NALF1: variants seen among roughly 807,000 people sequenced by gnomAD.
The protein encoded by NALF1 is NALCN channel auxiliary factor 1.
A neutral mutation model predicts 48.4 loss-of-function variants in NALF1; 3 were observed. The ratio of observed to expected loss-of-function variants is 0.06; its 90% CI spans 0.03 to 0.16. NALF1 has a LOEUF of 0.16. NALF1 is among the 10% of genes least tolerant of loss of function. The probability of loss-of-function intolerance (pLI) is 1.00; values close to 1 mark genes in which losing one functional copy is unlikely to be tolerated. For synonymous variants in NALF1, 262 were observed against 245.7 expected (o/e 1.07, Z -0.62); for missense variants, 526 against 571.5 (o/e 0.92, Z 0.81).
intron 1 of NALF1, among the ~76,000 whole-genome samples, chr13:107,685,089 C>A (rs1476387667): frequency 6.6e-6 from 1 of 152,086 alleles, no homozygotes; most frequent in Non-Finnish European, 1.5e-5. Flanking sequence ...CCAAGGCAGG[C>A]GGATCAGGAG....
intron 1 of NALF1, among the ~76,000 whole-genome samples, chr13:107,463,946 G>A (rs530042035): frequency 3.3e-5 from 5 of 152,086 alleles, no homozygotes; most frequent in Non-Finnish European, 7.4e-5. Context: ...TAACCAAATC[G>A]TTTCAATAAT....
rs574989388 is a variant in NALF1, at chr13:107,307,317, TGA to T, written c.916-96564_916-96563del. Among the ~76,000 whole-genome samples, 186 of 152,230 alleles carry T rather than the reference TGA, an allele frequency of 1.2e-3. 2 individuals are homozygous for T. In the Middle Eastern group the frequency reaches 0.02, roughly 17 times the overall value. On this transcript the variant is annotated intron_variant, in intron 1 of 2. Coordinates refer to ENST00000375915, the MANE Select transcript of NALF1 (RefSeq NM_001080396.3). ...GATGTCTATTACTTGAGACAAGAGATGAGAGAACAGAGGGAAAGAGGAAAGTT... is the reference window on the plus strand; with the variant it reads ...GATGTCTATTACTTGAGACAAGAGATGAGAACAGAGGGAAAGAGGAAAGTT...
chr13:107,311,267 T>C (rs1206414536), intron 1 of NALF1, among the ~76,000 whole-genome samples: 4 of 152,162 alleles, frequency 2.6e-5, no homozygotes, highest in Non-Finnish European at 5.9e-5. Flanking sequence ...CATCCCAGTA[T>C]GCTTCTTTTA....
chr13:107,353,846 T>G (rs1052882556), intron 1 of NALF1, among the ~76,000 whole-genome samples: 5 of 152,190 alleles, frequency 3.3e-5, no homozygotes, highest in African/African-American at 1.2e-4. Flanking sequence ...AATAATCCAT[T>G]AATTCATTAG....
intron 1 of NALF1, among the ~76,000 whole-genome samples, chr13:107,612,312 C>G (rs974305175): frequency 1.3e-5 from 2 of 152,094 alleles, no homozygotes; most frequent in Non-Finnish European, 2.9e-5. Context: ...GAAGCTTCAG[C>G]CACGCAAGAC....
rs192595088 is a variant in NALF1 at position 107,724,195 on chromosome 13, C to T, written c.915+141487G>A. Among the ~76,000 whole-genome samples the T allele has an allele frequency of 5.3e-3, 810 of 152,096 alleles. 3 individuals are homozygous for T. The highest frequency in any genetic ancestry group is 0.018 in the African/African-American group (754 of 41,496). On this transcript the variant is annotated intron_variant, in intron 1 of 2. Coordinates refer to ENST00000375915, the MANE Select transcript of NALF1 (RefSeq NM_001080396.3). ...TTTCCAAACACTTCTGCATCAGTTG[C>T]TTTTCCCTTTTAAGATCTGCTTTTG...
chr13:107,518,160 A>C (rs1876123170), intron 1 of NALF1, among the ~76,000 whole-genome samples: 3 of 152,226 alleles, frequency 2.0e-5, no homozygotes, highest in Admixed American at 6.5e-5. Flanking sequence ...TTTTCCTGTG[A>C]AAATAAGTTA....
chr13:107,295,808 T>G (rs992732125), intron 1 of NALF1, among the ~76,000 whole-genome samples: 1 of 152,182 alleles, frequency 6.6e-6, no homozygotes, highest in Non-Finnish European at 1.5e-5. Flanking sequence ...GGGCATAAAA[T>G]TCATGCTCAT....
intron 1 of NALF1, among the ~76,000 whole-genome samples, chr13:107,576,161 C>A (rs1878141387): frequency 6.6e-6 from 1 of 152,112 alleles, no homozygotes; most frequent in Non-Finnish European, 1.5e-5. Flanking sequence ...ATGCGCTCTA[C>A]CATAGTCTTT....
chr13:107,773,571 A>G (rs567747221), intron 1 of NALF1, among the ~76,000 whole-genome samples: 21 of 152,094 alleles, frequency 1.4e-4, no homozygotes, highest in African/African-American at 4.6e-4. Context: ...TTATTCTACA[A>G]AGATCTCTTA....
intron 1 of NALF1, among the ~76,000 whole-genome samples, chr13:107,832,543 C>T (rs1879769571): frequency 6.6e-6 from 1 of 152,116 alleles, no homozygotes; most frequent in South Asian, 2.1e-4. Flanking sequence ...CACACCATCA[C>T]CCTTCAAAAA....
chr13:107,359,134 T>C (rs1481005156), intron 1 of NALF1, among the ~76,000 whole-genome samples: 1 of 152,112 alleles, frequency 6.6e-6, no homozygotes, highest in Admixed American at 6.6e-5. Context: ...TCTGTCACTC[T>C]TATAATTTAT....
Position 107,280,397 on chromosome 13 carries a change from T to C in NALF1, c.916-69642A>G, listed in dbSNP as rs548992417. Reference sequence around the variant, plus strand: ...ACATACAAAACCACATGAGGTTTGTTAAACTTTATATATCATTTTTATCTT... The same window carrying C: ...ACATACAAAACCACATGAGGTTTGTCAAACTTTATATATCATTTTTATCTT... On this transcript the variant is annotated intron_variant, in intron 1 of 2. Coordinates refer to ENST00000375915, the MANE Select transcript of NALF1 (RefSeq NM_001080396.3). 2.0e-5 allele frequency among the ~76,000 whole-genome samples: 3 copies of C among 152,350 alleles called. No homozygotes were observed. In the East Asian group the frequency reaches 5.8e-4, roughly 29 times the overall value.
intron 1 of NALF1, among the ~76,000 whole-genome samples, chr13:107,584,688 T>C (rs1878403405): frequency 1.3e-5 from 2 of 152,200 alleles, no homozygotes; most frequent in Admixed American, 6.5e-5. Flanking sequence ...TTGTGATATA[T>C]GGAGCAGTTC....
chr13:107,649,017 T>C (rs1462542213), intron 1 of NALF1, among the ~76,000 whole-genome samples: 3 of 152,226 alleles, frequency 2.0e-5, no homozygotes. Context: ...TTGCCCATTT[T>C]TAAATTTGTA....
intron 1 of NALF1, among the ~76,000 whole-genome samples, chr13:107,638,326 A>G (rs1880048470): frequency 6.6e-6 from 1 of 151,814 alleles, no homozygotes; most frequent in Non-Finnish European, 1.5e-5. Flanking sequence ...TTAGCAAAAC[A>G]TATTACTAGA....
At chr13:107,194,861 A>T (rs1879358552) in intron 2 of NALF1, among the ~76,000 whole-genome samples, 2 of 152,190 alleles carry the variant, frequency 1.3e-5, no homozygotes, top group Admixed American at 1.3e-4. Context: ...GAACTCAAAT[A>T]CATCAGCAAG....
intron 1 of NALF1, among the ~76,000 whole-genome samples, chr13:107,251,878 C>A (rs1206382982): frequency 2.0e-5 from 3 of 152,110 alleles, no homozygotes; most frequent in Non-Finnish European, 2.9e-5. Context: ...ATTTTATAGT[C>A]TGATTTTTCA....
chr13:107,824,748 C>G (rs1290893410), intron 1 of NALF1, among the ~76,000 whole-genome samples: 3 of 152,220 alleles, frequency 2.0e-5, no homozygotes, highest in Admixed American at 6.5e-5. Context: ...GCAAGTGCAG[C>G]TTGTTTTTGA....
Sources: allele counts gnomAD v4.1 joint callset (sites outside exome capture counted in the v4.1 genomes callset), GRCh38; gene constraint gnomAD v4.1.1; transcripts MANE v1.5; gene names NCBI Gene and HGNC (gene_info 2026-07-23, HGNC 2026-07-21).